Variants in SV2B observed in about 807,000 individuals in gnomAD.
SV2B encodes the protein solute carrier family 22 member B2.
In SV2B, 41 loss-of-function variants were observed where a neutral mutation model predicts 73.9. The ratio of observed to expected loss-of-function variants is 0.56; its 90% CI spans 0.43 to 0.72. The LOEUF (loss-of-function observed/expected upper bound fraction) is 0.72. SV2B is among the 30% of genes least tolerant of loss of function. The pLI is 0.00. For synonymous variants in SV2B, 314 were observed against 314.2 expected, an observed-to-expected ratio of 1.00 and a Z score of 0.01; for missense variants, 764 against 857.8, an observed-to-expected ratio of 0.89 and a Z score of 1.37.
intron 2 of SV2B, among the ~76,000 whole-genome samples, chr15:91,230,382 T>C (rs930911988): frequency 5.3e-5 from 8 of 152,202 alleles, no homozygotes; most frequent in African/African-American, 9.6e-5. Flanking sequence ...TGTCAAATCA[T>C]AGGATATTTT....
In SV2B at chr15:91,118,971, C is replaced by T. The variant is rs569411509; in HGVS notation, c.-392+18608C>T. Reference sequence around the variant, plus strand: ...TGGAGGCAGGGCCTGTGGGGGTGGGCGTGCTGGCTGATCCGCTTGGGGCTC... The same window carrying T: ...TGGAGGCAGGGCCTGTGGGGGTGGGTGTGCTGGCTGATCCGCTTGGGGCTC... On this transcript the variant is annotated intron_variant, in intron 1 of 12. Transcript: ENST00000394232. The surrounding 1 kb of genome is among the most constrained non-coding windows in gnomAD (Gnocchi z 4.7). Among the ~76,000 whole-genome samples, 18 of 152,180 alleles carry T rather than the reference C, an allele frequency of 1.2e-4. No individual in the cohort carries two copies. The highest frequency in any genetic ancestry group is 2.6e-4 in the African/African-American group (11 of 41,538).
intron 10 of SV2B, among the ~76,000 whole-genome samples, chr15:91,282,102 G>A (rs2048701120): frequency 6.6e-6 from 1 of 152,224 alleles, no homozygotes; most frequent in Non-Finnish European, 1.5e-5. Flanking sequence ...GGAAACAAAA[G>A]TTGTAGCCAA....
rs1020558174 is a variant in SV2B at position 91,239,095 on chromosome 15, G to T, written c.451+12381G>T. On this transcript the variant is annotated intron_variant, in intron 2 of 12. Coordinates refer to ENST00000394232, the MANE Select transcript of SV2B (RefSeq NM_001323032.3). The surrounding 1 kb of genome is among the most constrained non-coding windows in gnomAD (Gnocchi z 5.1). ...TATTAGCAGGGATGGAAGAAAGGGG[G>T]TGTGATAGAAGGTCCTGGAAATGTA... Among the ~76,000 whole-genome samples the T allele has an allele frequency of 6.6e-6, 1 of 152,182 alleles. No homozygotes were observed. The highest frequency in any genetic ancestry group is 1.5e-5 in the Non-Finnish European group (1 of 68,040).
At chr15:91,151,679 G>T (rs1323340290) in intron 1 of SV2B, among the ~76,000 whole-genome samples, 1 of 152,172 alleles carries the variant, frequency 6.6e-6, no homozygotes, top group Non-Finnish European at 1.5e-5. Flanking sequence ...TTGAACCCAG[G>T]CTCCCATTTC....
At chr15:91,271,525 T>A (rs1426328919) in intron 9 of SV2B, among the ~76,000 whole-genome samples, 1 of 152,194 alleles carries the variant, frequency 6.6e-6, no homozygotes, top group African/African-American at 2.4e-5. Flanking sequence ...AAATATAAAT[T>A]TCTTCAAAAG....
intron 1 of SV2B, among the ~76,000 whole-genome samples, chr15:91,203,693 AG>A: frequency 6.6e-6 from 1 of 152,184 alleles, no homozygotes; most frequent in East Asian, 1.9e-4. Flanking sequence ...CAGTAGAAAA[AG>A]CTCTGGAATA....
rs2047552310 is a variant in SV2B, at chr15:91,253,035, G to A, written c.784+515G>A. The stretch of plus-strand genomic sequence containing the variant: ...CTGGTGCCTGCTGTCACTCTTGTTT[G>A]GCCGTGACAGTGCAGGAGCCCTTAT... On this transcript the variant is annotated intron_variant, in intron 4 of 12. Coordinates refer to ENST00000394232, the MANE Select transcript of SV2B (RefSeq NM_001323032.3). The surrounding 1 kb of genome is among the most constrained non-coding windows in gnomAD (Gnocchi z 5.0). Among the ~76,000 whole-genome samples, 1 of 152,114 alleles carries A rather than the reference G, an allele frequency of 6.6e-6. No homozygotes were observed. Among genetic ancestry groups the A allele is most frequent in the South Asian group, 2.1e-4 (1 of 4,822 alleles).
chr15:91,141,032 C>A lies in SV2B; in HGVS notation c.-392+40669C>A, dbSNP rs955239352. ...TGATGGAAGCCAGAAGTGCTACAAG[C>A]ACTCAGGTGGCAGGACTTATAGCTA... On this transcript the variant is annotated intron_variant, in intron 1 of 12. Coordinates refer to ENST00000394232, the MANE Select transcript of SV2B (RefSeq NM_001323032.3). This position sits in a 1 kb window ranked among gnomAD's most constrained non-coding sequence, Gnocchi z 4.6. Among the ~76,000 whole-genome samples, 1 of 152,204 alleles carries A rather than the reference C, an allele frequency of 6.6e-6. No homozygotes were observed. Among genetic ancestry groups the A allele is most frequent in the Admixed American group, 6.5e-5 (1 of 15,284 alleles).
intron 1 of SV2B, among the ~76,000 whole-genome samples, chr15:91,155,695 G>C (rs1450825551): frequency 6.6e-6 from 1 of 152,008 alleles, no homozygotes; most frequent in East Asian, 1.9e-4. Flanking sequence ...CCTCACAGTA[G>C]CCTTTATGAA....
rs112194479 is a variant in SV2B at position 91,253,925 on chromosome 15, A to G, written c.784+1405A>G. Reference sequence around the variant, plus strand: ...TACTTGAAAATCCACTGGATTTTATATCAGAAACAGAAAAAATATGAAAAG... The same window carrying G: ...TACTTGAAAATCCACTGGATTTTATGTCAGAAACAGAAAAAATATGAAAAG... On this transcript the variant is annotated intron_variant, in intron 4 of 12. Coordinates refer to ENST00000394232, the MANE Select transcript of SV2B (RefSeq NM_001323032.3). The surrounding 1 kb of genome is among the most constrained non-coding windows in gnomAD (Gnocchi z 5.0). Among the ~76,000 whole-genome samples, 1 of 152,226 alleles carries G rather than the reference A, an allele frequency of 6.6e-6. No homozygotes were observed. Among genetic ancestry groups the G allele is most frequent in the African/African-American group, 2.4e-5 (1 of 41,462 alleles).
intron 1 of SV2B, among the ~76,000 whole-genome samples, chr15:91,219,399 T>G (rs2046142436): frequency 6.6e-6 from 1 of 152,164 alleles, no homozygotes; most frequent in Non-Finnish European, 1.5e-5. Context: ...TGGTCCCTCA[T>G]GCAAATAGAC....
intron 1 of SV2B, among the ~76,000 whole-genome samples, chr15:91,198,013 C>A (rs1364928689): frequency 3.3e-5 from 5 of 152,084 alleles, no homozygotes; most frequent in Non-Finnish European, 5.9e-5. Context: ...ACAGCCTGGG[C>A]AACAGAGCGA....
intron 9 of SV2B, among the ~76,000 whole-genome samples, chr15:91,275,220 C>T (rs1402966773): frequency 2.0e-5 from 3 of 151,784 alleles, no homozygotes; most frequent in South Asian, 2.1e-4. Context: ...TTTCTCCCAC[C>T]CTCTTTTAGA....
At chr15:91,276,805 G>GTTATTA (rs3082230) in intron 9 of SV2B, among the ~76,000 whole-genome samples, 3,257 of 92,090 alleles carry the variant, frequency 0.035, 73 homozygotes, top group Admixed American at 0.096. Context: ...TATTGTTGTT[G>GTTATTA]TTATTATTAT....
At chr15:91,270,155 G>A (rs962567056) in intron 9 of SV2B, among the ~76,000 whole-genome samples, 2 of 152,188 alleles carry the variant, frequency 1.3e-5, no homozygotes, top group African/African-American at 4.8e-5. Flanking sequence ...ACCATTCCTT[G>A]CAGAGATGAA....
chr15:91,149,986 C>G (rs1430536868), intron 1 of SV2B, among the ~76,000 whole-genome samples: 4 of 152,076 alleles, frequency 2.6e-5, no homozygotes, highest in Non-Finnish European at 5.9e-5. Context: ...CTTTCTGTCT[C>G]TGTCTTTCTG....
At chr15:91,125,090 G>C (rs554276965) in intron 1 of SV2B, among the ~76,000 whole-genome samples, 2 of 152,200 alleles carry the variant, frequency 1.3e-5, no homozygotes, top group Admixed American at 1.3e-4. Flanking sequence ...GCCTTCCCTT[G>C]GTGCAAGCAC....
In SV2B at chr15:91,132,459, C is replaced by T. The variant is rs1054789477; in HGVS notation, c.-392+32096C>T. The stretch of plus-strand genomic sequence containing the variant: ...AATCAGTCTGATTGGTTGTGGACAG[C>T]AACCATTCAGAGGCTGGAGTGAAGT... On this transcript the variant is annotated intron_variant, in intron 1 of 12. Transcript: ENST00000394232. This position sits in a 1 kb window ranked among gnomAD's most constrained non-coding sequence, Gnocchi z 4.6. 6.6e-6 allele frequency among the ~76,000 whole-genome samples: 1 copy of T among 152,192 alleles called. No homozygotes were observed. The highest frequency in any genetic ancestry group is 2.4e-5 in the African/African-American group (1 of 41,438).
chr15:91,186,070 T>C (rs1004818261), intron 1 of SV2B, among the ~76,000 whole-genome samples: 6 of 152,184 alleles, frequency 3.9e-5, no homozygotes, highest in Non-Finnish European at 8.8e-5. Context: ...TACACAATGG[T>C]ATTATTCTTC....
Sources: gnomAD v4.1 joint callset for allele counts (sites outside exome capture counted in the v4.1 genomes callset) on GRCh38, gnomAD v4.1.1 for gene constraint, Gnocchi (gnomAD v3.1) non-coding constraint, MANE v1.5 for transcripts, NCBI Gene and HGNC (gene_info 2026-07-23, HGNC 2026-07-21) for gene names.